Variants in DNM3 observed in about 807,000 individuals in gnomAD.
The protein encoded by DNM3 is dynamin 3.
DNM3 carries 47 observed loss-of-function variants against 101.6 expected under a neutral mutation model. The ratio of observed to expected loss-of-function variants is 0.46; its 90% CI spans 0.37 to 0.59. DNM3 has a LOEUF of 0.59. Ranked by LOEUF, DNM3 falls within the 20% of genes least tolerant of loss-of-function variation. The pLI is 0.00. For missense variants in DNM3, 849 were observed against 1,085.7 expected, an observed-to-expected ratio of 0.78 and a Z score of 3.06; for synonymous variants, 385 against 387.9, an observed-to-expected ratio of 0.99 and a Z score of 0.09.
intron 14 of DNM3, among the ~76,000 whole-genome samples, chr1:172,230,041 C>A (rs2061275358): frequency 6.6e-6 from 1 of 152,146 alleles, no homozygotes; most frequent in South Asian, 2.1e-4. Context: ...TTAATTCTTT[C>A]ACTAGGGGAG....
At position 172,408,312 on chromosome 1, in the gene DNM3, ATTTAGCTCCTC is replaced by A. The variant is rs1007340037; in HGVS notation, c.*475_*485del. On this transcript the variant is annotated 3_prime_UTR_variant, in exon 21 of 21. Coordinates refer to ENST00000627582, the MANE Select transcript of DNM3 (RefSeq NM_015569.5). ...GCTACTACCTACTCCATAATTGCCTATTTAGCTCCTCTTTTCTTCCTTTTTATTTCATAAGA... is the reference window on the plus strand; with the variant it reads ...GCTACTACCTACTCCATAATTGCCTATTTTCTTCCTTTTTATTTCATAAGA... 5 of 986,486 alleles carry A rather than the reference ATTTAGCTCCTC, an allele frequency of 5.1e-6. No individual in the cohort carries two copies. In the African/African-American group the frequency reaches 8.7e-5, roughly 17 times the overall value. 61.1% of individuals were successfully genotyped at this position (986,486 alleles called of 1,614,324 possible).
chr1:172,288,121 C>T (rs4619005), intron 15 of DNM3, among the ~76,000 whole-genome samples: 2 of 152,174 alleles, frequency 1.3e-5, no homozygotes, highest in East Asian at 3.8e-4. Flanking sequence ...AACATGTCCC[C>T]TATTCTCATG....
chr1:172,234,070 GT>G (rs1272079565), intron 14 of DNM3, among the ~76,000 whole-genome samples: 1 of 152,090 alleles, frequency 6.6e-6, no homozygotes, highest in Non-Finnish European at 1.5e-5. Flanking sequence ...GAAATAAAGG[GT>G]ATTCAATTAG....
At chr1:172,386,064 A>G (rs931229755) in intron 18 of DNM3, among the ~76,000 whole-genome samples, 2 of 152,240 alleles carry the variant, frequency 1.3e-5, no homozygotes, top group African/African-American at 4.8e-5. Flanking sequence ...TTCTGTATCT[A>G]TAAAACTGGA....
chr1:172,403,617 A>G (rs898644475), intron 20 of DNM3, among the ~76,000 whole-genome samples: 1 of 152,158 alleles, frequency 6.6e-6, no homozygotes, highest in African/African-American at 2.4e-5. Context: ...GTCATTGTCC[A>G]CAATACTGCA....
chr1:172,387,169 T>C lies in DNM3; in HGVS notation c.2095T>C (p.Leu699=), dbSNP rs201523365. The C allele has an allele frequency of 8.1e-5, 130 of 1,613,860 alleles. No homozygotes were observed. The highest frequency in any genetic ancestry group is 1.2e-4 in the Admixed American group (7 of 60,006). ...CATAAATTCCGAGCTCCTAGCACAG[T>C]TGTATTCTTCAGAGGACCAAAATAC... is the stretch of plus-strand genomic sequence containing the variant. The part of the protein sequence containing the change: ...DFINSELLAQ[L]YSSEDQNTLM... The change falls in exon 19 of 21, where the codon TTG becomes CTG. Residue 699 remains leucine (L), a synonymous_variant. Transcript: ENST00000627582.
intron 1 of DNM3, among the ~76,000 whole-genome samples, chr1:171,882,992 G>A (rs575966251): frequency 4.3e-4 from 65 of 150,766 alleles, no homozygotes; most frequent in Admixed American, 7.3e-4. Flanking sequence ...ATATTAATAC[G>A]TATAAAATAT....
chr1:172,087,368 GT>G (rs1311934059), intron 12 of DNM3, among the ~76,000 whole-genome samples: 1 of 151,942 alleles, frequency 6.6e-6, no homozygotes, highest in East Asian at 1.9e-4. Context: ...CACTCCAATG[GT>G]TTTAGTTGCC....
At chr1:172,289,452 G>A (rs1405297149) in intron 15 of DNM3, 1 of 473,920 alleles carries the variant, frequency 2.1e-6, no homozygotes, top group Non-Finnish European at 2.6e-6. Context: ...TTAACTATAT[G>A]TCGTCTCATT....
In DNM3 at chr1:172,408,736, A is replaced by ATTAT; in HGVS notation, c.*898_*901dup. On this transcript the variant is annotated 3_prime_UTR_variant, in exon 21 of 21. Coordinates refer to ENST00000627582, the MANE Select transcript of DNM3 (RefSeq NM_015569.5). ...TGATACTAACTCCAGTTTTACTATTATTATTTTGGTTGGAAAAAAAATTCA... is the reference window on the plus strand; with the variant it reads ...TGATACTAACTCCAGTTTTACTATTATTATTTATTTTGGTTGGAAAAAAAATTCA... The ATTAT allele has an allele frequency of 1.0e-6, 1 of 984,902 alleles. No individual in the cohort carries two copies. Among genetic ancestry groups the ATTAT allele is most frequent in the Non-Finnish European group, 1.2e-6 (1 of 829,476 alleles). The allele number at this position is 984,902 out of a possible 1,614,324, so 61.0% of individuals were successfully genotyped here.
intron 15 of DNM3, among the ~76,000 whole-genome samples, chr1:172,262,457 G>A (rs970259487): frequency 1.1e-4 from 17 of 152,138 alleles, no homozygotes; most frequent in African/African-American, 3.9e-4. Flanking sequence ...TGTAAGGATT[G>A]AGGTGTTCTC....
At chr1:172,055,706 C>T (rs866910028) in intron 10 of DNM3, among the ~76,000 whole-genome samples, 5 of 152,176 alleles carry the variant, frequency 3.3e-5, no homozygotes, top group South Asian at 4.1e-4. Context: ...CAGCAGGTGA[C>T]GGTCAGTTTG....
At chr1:172,382,569 T>C (rs544431680) in intron 18 of DNM3, among the ~76,000 whole-genome samples, 1 of 152,122 alleles carries the variant, frequency 6.6e-6, no homozygotes, top group Non-Finnish European at 1.5e-5. Context: ...GTCTTCTCAC[T>C]CATAGTCTGA....
In DNM3 at chr1:172,408,010, C is replaced by T. The variant is rs1367456313; in HGVS notation, c.*169C>T. 7 of 1,461,140 alleles carry T rather than the reference C, an allele frequency of 4.8e-6. No homozygotes were observed. The African/African-American group carries it at 8.5e-5, about 18-fold the overall frequency. 90.5% of individuals were successfully genotyped at this position (1,461,140 alleles called of 1,614,324 possible). On this transcript the variant is annotated 3_prime_UTR_variant, in exon 21 of 21. Coordinates refer to ENST00000627582, the MANE Select transcript of DNM3 (RefSeq NM_015569.5). Reference sequence around the variant, plus strand: ...TCTTCATTGCTCATGGTATGTCAAACCTTTGGGGTTTGACTCAGAAACTGC... The same window carrying T: ...TCTTCATTGCTCATGGTATGTCAAATCTTTGGGGTTTGACTCAGAAACTGC...
chr1:172,055,405 C>T (rs1046670218), intron 10 of DNM3, among the ~76,000 whole-genome samples: 1 of 151,940 alleles, frequency 6.6e-6, no homozygotes, highest in African/African-American at 2.4e-5. Context: ...AGTTGCATAG[C>T]CTTCCCACAA....
At chr1:171,994,580 T>A (rs1179329012) in intron 4 of DNM3, among the ~76,000 whole-genome samples, 2 of 152,166 alleles carry the variant, frequency 1.3e-5, no homozygotes, top group African/African-American at 4.8e-5. Context: ...CTTTGCTGTG[T>A]TTGCACAAAA....
chr1:171,921,687 A>G, intron 1 of DNM3, 61 bp from the exon 2 acceptor site: 1 of 1,406,558 alleles, frequency 7.1e-7, no homozygotes, highest in Non-Finnish European at 9.8e-7. Context: ...AACTTGGTTT[A>G]TGAATGTACA....
At chr1:172,020,446 C>T (rs1001300514) in intron 4 of DNM3, among the ~76,000 whole-genome samples, 14 of 152,024 alleles carry the variant, frequency 9.2e-5, no homozygotes, top group Non-Finnish European at 2.9e-5. Context: ...ATGGACCCCG[C>T]GCGGTGGCTC....
chr1:171,964,755 G>GT (rs974878569), intron 2 of DNM3, among the ~76,000 whole-genome samples: 2 of 152,110 alleles, frequency 1.3e-5, no homozygotes, highest in Admixed American at 1.3e-4. Flanking sequence ...TAGTATTTTA[G>GT]TTTAAGTATA....
Sources: allele counts gnomAD v4.1 joint callset (sites outside exome capture counted in the v4.1 genomes callset), GRCh38; gene constraint gnomAD v4.1.1; transcripts MANE v1.5; gene names NCBI Gene and HGNC (gene_info 2026-07-23, HGNC 2026-07-21).